The following ECE1 variants were observed in gnomAD, a reference collection of about 807,000 sequenced individuals.
ECE1 encodes the protein endothelin-converting enzyme 1.
Under a neutral mutation model 98.6 loss-of-function variants are expected in ECE1, and 35 were observed. That is an observed-to-expected ratio of 0.35 (90% CI 0.27 to 0.47). The LOEUF (loss-of-function observed/expected upper bound fraction) is 0.47. Among genes scored for constraint, ECE1 ranks in the 20% least tolerant of loss-of-function variants. The pLI is 1.00. For missense variants in ECE1, 814 were observed against 1,025.3 expected (o/e 0.79, Z 2.81); for synonymous variants, 394 against 407.1 (o/e 0.97, Z 0.39).
Position 21,219,988 on chromosome 1 carries a change from G to A in ECE1, c.2280C>T (p.Pro760=). The A allele has an allele frequency of 6.2e-7, 1 of 1,614,262 alleles. No homozygotes were observed. The change falls in exon 19 of 19, where the codon CCC becomes CCT. Residue 760 remains proline (P), a synonymous_variant. Coordinates refer to ENST00000374893, the MANE Select transcript of ECE1 (RefSeq NM_001397.3). This position sits in a 1 kb window ranked among gnomAD's most constrained non-coding sequence, Gnocchi z 4.5. ...CTTCGCACTTGTGAGGCGGGTTCATGGGTGAGCCAGGTGGGCAGCGGAAGT... is the reference window on the plus strand; with the variant it reads ...CTTCGCACTTGTGAGGCGGGTTCATAGGTGAGCCAGGTGGGCAGCGGAAGT... ...SEHFRCPPGS[P]MNPPHKCEVW is the part of the protein sequence containing the mutation.
chr1:21,227,849 G>T, intron 15 of ECE1, 82 bp downstream of exon 15: 1 of 1,115,142 alleles, frequency 9.0e-7, no homozygotes, highest in Middle Eastern at 2.1e-4. Flanking sequence ...AAGATCACAT[G>T]GTGAGACTGG....
Position 21,322,382 on chromosome 1 carries a change from G to A in ECE1, c.3+22994C>T, listed in dbSNP as rs2103403590. Reference sequence around the variant, plus strand: ...TGGGCACCTTGTGGAGGACTTGGTAGCCCTTAGCCCAGCAGACGCCCAGGC... The same window carrying A: ...TGGGCACCTTGTGGAGGACTTGGTAACCCTTAGCCCAGCAGACGCCCAGGC... On this transcript the variant is annotated intron_variant, in intron 1 of 18. Transcript: ENST00000415912. The surrounding 1 kb of genome is among the most constrained non-coding windows in gnomAD (Gnocchi z 4.1). Among the ~76,000 whole-genome samples, 1 of 152,332 alleles carries A rather than the reference G, an allele frequency of 6.6e-6. No homozygotes were observed. The highest frequency in any genetic ancestry group is 1.5e-5 in the Non-Finnish European group (1 of 68,018).
chr1:21,320,736 G>A (rs369118489), intron 1 of ECE1, among the ~76,000 whole-genome samples: 32 of 152,320 alleles, frequency 2.1e-4, no homozygotes, highest in African/African-American at 7.2e-4. Context: ...TATAGGGGCC[G>A]CAGCCTCATC....
chr1:21,343,074 C>T (rs555724053), intron 1 of ECE1, among the ~76,000 whole-genome samples: 2 of 152,288 alleles, frequency 1.3e-5, no homozygotes, highest in Admixed American at 6.5e-5. Flanking sequence ...AGGTCCCCCT[C>T]CCGGGACACC....
chr1:21,278,473 C>A (rs975311633), intron 3 of ECE1, among the ~76,000 whole-genome samples: 1 of 152,182 alleles, frequency 6.6e-6, no homozygotes, highest in Non-Finnish European at 1.5e-5. Flanking sequence ...CGCTCTGGAG[C>A]GTACTTGGAT....
intron 14 of ECE1, among the ~76,000 whole-genome samples, chr1:21,232,753 C>A (rs2098183392): frequency 6.6e-6 from 1 of 151,038 alleles, no homozygotes; most frequent in Non-Finnish European, 1.5e-5. Context: ...CTCACTGCAA[C>A]CTCCGCCTCC....
intron 1 of ECE1, chr1:21,298,404 A>G (rs916743296): frequency 3.7e-6 from 1 of 266,764 alleles, no homozygotes; most frequent in Non-Finnish European, 7.7e-6. Context: ...AGAGCAGCCA[A>G]GTGCGGCTGT....
chr1:21,288,969 G>T (rs2098263518), intron 2 of ECE1, among the ~76,000 whole-genome samples: 2 of 152,192 alleles, frequency 1.3e-5, no homozygotes, highest in African/African-American at 4.8e-5. Context: ...CTGTGAGTTT[G>T]GGTCCCCTGG....
Position 21,233,435 on chromosome 1 carries a change from T to A in ECE1, c.1670+123A>T. Reference sequence around the variant, plus strand: ...GTGGGATAACAAGGGCATCCACTCTTCAGACGGCTCTCGTGATAGCTGATC... The same window carrying A: ...GTGGGATAACAAGGGCATCCACTCTACAGACGGCTCTCGTGATAGCTGATC... On this transcript the variant is annotated intron_variant, in intron 14 of 18. Coordinates refer to ENST00000374893, the MANE Select transcript of ECE1 (RefSeq NM_001397.3). This position sits in a 1 kb window ranked among gnomAD's most constrained non-coding sequence, Gnocchi z 4.0. 1 of 839,250 alleles carries A rather than the reference T, an allele frequency of 1.2e-6. No homozygotes were observed. The highest frequency in any genetic ancestry group is 1.9e-6 in the Non-Finnish European group (1 of 527,638). 52.0% of individuals were successfully genotyped at this position (839,250 alleles called of 1,614,324 possible).
Position 21,225,568 on chromosome 1 carries a change from G to A in ECE1, c.1850-128C>T, listed in dbSNP as rs1054908314. 115 of 1,096,714 alleles carry A rather than the reference G, an allele frequency of 1.0e-4. No homozygotes were observed. The highest frequency in any genetic ancestry group is 1.0e-4 in the Non-Finnish European group (76 of 763,170). 67.9% of individuals were successfully genotyped at this position (1,096,714 alleles called of 1,614,324 possible). A position where few individuals can be genotyped will look rare whatever the true frequency, so the allele number is the denominator to read the frequency against. The stretch of plus-strand genomic sequence containing the variant: ...CGTCCTCCAGCCACCATGGGGAGAC[G>A]AGGTCCCTGTGAGTGCCGAGGGACG... On this transcript the variant is annotated intron_variant, in intron 16 of 18. Transcript: ENST00000374893. This position sits in a 1 kb window ranked among gnomAD's most constrained non-coding sequence, Gnocchi z 5.3.
At chr1:21,337,864 G>C (rs557217537) in intron 1 of ECE1, among the ~76,000 whole-genome samples, 25 of 152,308 alleles carry the variant, frequency 1.6e-4, no homozygotes, top group African/African-American at 6.0e-4. Flanking sequence ...GCCCACTCCT[G>C]CTGCACGGGC....
chr1:21,331,274 AG>A (rs1229176354), intron 1 of ECE1, among the ~76,000 whole-genome samples: 2 of 151,996 alleles, frequency 1.3e-5, no homozygotes, highest in African/African-American at 4.8e-5. Context: ...GTGGTGGTGC[AG>A]CGCCTGTAGT....
intron 2 of ECE1, among the ~76,000 whole-genome samples, chr1:21,282,604 A>G (rs974417450): frequency 1.3e-5 from 2 of 148,174 alleles, no homozygotes; most frequent in African/African-American, 5.0e-5. Context: ...AAAAAAAAAA[A>G]GAAAGAAAAG....
intron 11 of ECE1, 146 bp from the exon 12 acceptor site, chr1:21,236,990 C>A: frequency 1.2e-6 from 1 of 801,956 alleles, no homozygotes; most frequent in South Asian, 1.4e-5. Context: ...CACAGCTGTG[C>A]TTCCAAACCA....
intron 1 of ECE1, among the ~76,000 whole-genome samples, chr1:21,312,024 G>C (rs1218709426): frequency 6.6e-6 from 1 of 150,856 alleles, no homozygotes. Context: ...TGGGGAGGCT[G>C]AGGCACAAGA....
intron 14 of ECE1, among the ~76,000 whole-genome samples, chr1:21,229,238 C>T (rs2098178750): frequency 6.6e-6 from 1 of 151,242 alleles, no homozygotes; most frequent in Non-Finnish European, 1.5e-5. Context: ...GGTTAGAGTG[C>T]GGTGGCATGA....
upstream of ECE1, chr1:21,294,036 T>G (rs1638280127): frequency 6.6e-6 from 1 of 152,466 alleles, no homozygotes; most frequent in Admixed American, 6.5e-5. This position sits in a 1 kb window ranked among gnomAD's most constrained non-coding sequence, Gnocchi z 4.2. Context: ...GTCACCTGCC[T>G]GGAGACTGAG....
intron 1 of ECE1, among the ~76,000 whole-genome samples, chr1:21,326,595 TCA>T (rs1558434516): frequency 4.6e-5 from 7 of 151,612 alleles, no homozygotes; most frequent in South Asian, 2.1e-4. Context: ...GAGATGAGGT[TCA>T]TAATAGGGGG....
At position 21,341,757 on chromosome 1, in the gene ECE1, G is replaced by A. The variant is rs141697315; in HGVS notation, c.3+3619C>T. Among the ~76,000 whole-genome samples, 272 of 152,244 alleles carry A rather than the reference G, an allele frequency of 1.8e-3. 1 individual carries two copies. The highest frequency in any genetic ancestry group is 6.3e-3 in the African/African-American group (261 of 41,550). On this transcript the variant is annotated intron_variant, in intron 1 of 18. Transcript: ENST00000415912. ...AGTGGCTGAGAGGCACCAGAGTGAC[G>A]TGGGGGCATGTGGTTAGTCTCCTAT...
Sources: allele counts gnomAD v4.1 joint callset (sites outside exome capture counted in the v4.1 genomes callset), GRCh38; gene constraint gnomAD v4.1.1; non-coding constraint Gnocchi (gnomAD v3.1); transcripts MANE v1.5; gene names NCBI Gene and HGNC (gene_info 2026-07-23, HGNC 2026-07-21).